The following GLI3 variants were observed in gnomAD, a reference collection of about 807,000 sequenced individuals.
The protein encoded by GLI3 is GLI family zinc finger 3.
GLI3 carries 20 observed loss-of-function variants against 100.8 expected under a neutral mutation model. The observed-to-expected ratio is 0.20, with a 90% CI of 0.14 to 0.29. The LOEUF is 0.29. Among genes scored for constraint, GLI3 ranks in the 10% least tolerant of loss-of-function variants. The pLI is 1.00. For missense variants in GLI3, 2,040 were observed against 2,128.5 expected, an observed-to-expected ratio of 0.96 and a Z score of 0.82; for synonymous variants, 938 against 860.5, an observed-to-expected ratio of 1.09 and a Z score of -1.58.
chr7:42,070,014 T>C (rs1302457442), intron 4 of GLI3, among the ~76,000 whole-genome samples: 1 of 152,198 alleles, frequency 6.6e-6, no homozygotes, highest in African/African-American at 2.4e-5. Context: ...CAGATACACA[T>C]TGTGTTCTAA....
chr7:42,229,867 A>G (rs921732122), intron 1 of GLI3, among the ~76,000 whole-genome samples: 20 of 152,232 alleles, frequency 1.3e-4, no homozygotes, highest in African/African-American at 4.8e-4. Flanking sequence ...TCAATGAGCA[A>G]AATGCAGGGA....
chr7:42,080,577 T>G (rs1342548028), intron 3 of GLI3, among the ~76,000 whole-genome samples: 1 of 152,198 alleles, frequency 6.6e-6, no homozygotes, highest in East Asian at 1.9e-4. Flanking sequence ...TCACACCTCT[T>G]AAGCCACTTT....
chr7:42,002,631 A>ATATAT (rs1788337240), intron 10 of GLI3, among the ~76,000 whole-genome samples: 2 of 152,240 alleles, frequency 1.3e-5, no homozygotes, highest in Non-Finnish European at 2.9e-5. Context: ...TATATATCAC[A>ATATAT]TCATGAAAAT....
chr7:42,081,843 T>A (rs142987746), intron 3 of GLI3, among the ~76,000 whole-genome samples: 2 of 152,218 alleles, frequency 1.3e-5, no homozygotes, highest in African/African-American at 4.8e-5. Flanking sequence ...GATACTTGAA[T>A]GGTCTGAAAG....
rs117765067 is a variant in GLI3 at position 42,005,024 on chromosome 7, A to T, written c.1497+18444T>A. ...AGAGTGGTGAGAAAAACCGTAAATT[A>T]CACACAACGATTCAGTGATGATGGC... On this transcript the variant is annotated intron_variant, in intron 10 of 14. Coordinates refer to ENST00000395925, the MANE Select transcript of GLI3 (RefSeq NM_000168.6). Among the ~76,000 whole-genome samples, 617 of 152,344 alleles carry T rather than the reference A, an allele frequency of 4.1e-3. 5 individuals carry two copies. The highest frequency in any genetic ancestry group is 6.0e-3 in the Non-Finnish European group (410 of 68,034).
intron 3 of GLI3, among the ~76,000 whole-genome samples, chr7:42,099,887 G>A (rs1013404114): frequency 2.0e-5 from 3 of 152,244 alleles, no homozygotes; most frequent in African/African-American, 7.2e-5. Context: ...CATTCTAGAA[G>A]TCTCTGTGAC....
rs557613189 is a variant in GLI3 at position 42,113,155 on chromosome 7, C to T, written c.367+35071G>A. The stretch of plus-strand genomic sequence containing the variant: ...TCACACCACTGCACTCCAGCCTGGG[C>T]GACAGAGCGAGACTCTGTCTCAAAA... On this transcript the variant is annotated intron_variant, in intron 3 of 14. Coordinates refer to ENST00000395925, the MANE Select transcript of GLI3 (RefSeq NM_000168.6). Among the ~76,000 whole-genome samples, 80 of 152,144 alleles carry T rather than the reference C, an allele frequency of 5.3e-4. 1 individual carries two copies. The highest frequency in any genetic ancestry group is 1.6e-3 in the African/African-American group (66 of 41,506).
intron 3 of GLI3, among the ~76,000 whole-genome samples, chr7:42,131,210 G>C (rs946230572): frequency 6.6e-6 from 1 of 152,192 alleles, no homozygotes; most frequent in Non-Finnish European, 1.5e-5. Context: ...ATCACAAAGG[G>C]ATGTCTAGAG....
chr7:42,113,203 C>G (rs1341773655), intron 3 of GLI3, among the ~76,000 whole-genome samples: 1 of 152,004 alleles, frequency 6.6e-6, no homozygotes, highest in Non-Finnish European at 1.5e-5. Flanking sequence ...CAAGGAATGC[C>G]AGGGATGCTC....
intron 3 of GLI3, among the ~76,000 whole-genome samples, chr7:42,091,166 A>C (rs1178532338): frequency 6.6e-6 from 1 of 152,240 alleles, no homozygotes; most frequent in African/African-American, 2.4e-5. Context: ...TGGGCCTCAC[A>C]AACTATGGAG....
intron 2 of GLI3, among the ~76,000 whole-genome samples, chr7:42,157,556 T>C (rs1787033357): frequency 6.6e-6 from 1 of 152,164 alleles, no homozygotes; most frequent in Non-Finnish European, 1.5e-5. Context: ...CGAAAGGAAG[T>C]GGGAGGAAGA....
chr7:42,125,818 C>T (rs757895801), intron 3 of GLI3, among the ~76,000 whole-genome samples: 1 of 151,972 alleles, frequency 6.6e-6, no homozygotes, highest in Non-Finnish European at 1.5e-5. Context: ...CAATGGGGTT[C>T]GATGGAGCTG....
At chr7:42,024,393 T>C (rs1182225043) in intron 9 of GLI3, among the ~76,000 whole-genome samples, 1 of 152,154 alleles carries the variant, frequency 6.6e-6, no homozygotes, top group East Asian at 1.9e-4. Context: ...AGGTTGTTGC[T>C]GTCTGGCGAT....
intron 10 of GLI3, among the ~76,000 whole-genome samples, chr7:41,999,694 A>G (rs370652749): frequency 7.0e-4 from 107 of 152,216 alleles, no homozygotes; most frequent in African/African-American, 2.5e-3. Context: ...CTCCTTGGCG[A>G]CCTTGAATTT....
At chr7:42,033,165 C>G (rs955573305) in intron 7 of GLI3, among the ~76,000 whole-genome samples, 8 of 152,334 alleles carry the variant, frequency 5.3e-5, no homozygotes, top group African/African-American at 1.9e-4. Context: ...GAGTGGTAAT[C>G]ACACTCCATC....
At chr7:41,998,672 A>G (rs772974829) in intron 10 of GLI3, among the ~76,000 whole-genome samples, 11 of 152,214 alleles carry the variant, frequency 7.2e-5, no homozygotes. Flanking sequence ...AATGGTGTTA[A>G]CATTGGCTCA....
intron 5 of GLI3, among the ~76,000 whole-genome samples, chr7:42,047,685 A>G (rs1337214313): frequency 6.6e-6 from 1 of 152,228 alleles, no homozygotes; most frequent in Non-Finnish European, 1.5e-5. Flanking sequence ...GTGGAAAGTA[A>G]TGGGGGGACT....
chr7:42,120,825 A>G (rs1785979429), intron 3 of GLI3, among the ~76,000 whole-genome samples: 1 of 152,202 alleles, frequency 6.6e-6, no homozygotes, highest in Non-Finnish European at 1.5e-5. Context: ...GTTTCCATGA[A>G]TCCAGTATTT....
At chr7:42,096,055 G>A (rs578255718) in intron 3 of GLI3, among the ~76,000 whole-genome samples, 7 of 152,158 alleles carry the variant, frequency 4.6e-5, no homozygotes, top group African/African-American at 9.7e-5. Context: ...CACAGCTTCC[G>A]GAGCCAGGGT....
Sources: allele counts gnomAD v4.1 joint callset (sites outside exome capture counted in the v4.1 genomes callset), GRCh38; gene constraint gnomAD v4.1.1; transcripts MANE v1.5; gene names NCBI Gene and HGNC (gene_info 2026-07-23, HGNC 2026-07-21).